The following VNN2 variants were observed in gnomAD, a reference collection of about 807,000 sequenced individuals.
VNN2 encodes the protein pantetheine hydrolase VNN2.
VNN2 carries 43 observed loss-of-function variants against 43.0 expected under a neutral mutation model. That is an observed-to-expected ratio of 1.00 (90% CI 0.78 to 1.29). The LOEUF (loss-of-function observed/expected upper bound fraction) is 1.29, where lower values mean the gene tolerates loss of function less well. VNN2 is among the 50% of genes most tolerant of loss of function. The probability of loss-of-function intolerance (pLI) is 0.00; values close to 1 mark genes in which losing one functional copy is unlikely to be tolerated. For missense variants in VNN2, 652 were observed against 619.7 expected, an observed-to-expected ratio of 1.05 and a Z score of -0.55; for synonymous variants, 230 against 224.3, an observed-to-expected ratio of 1.03 and a Z score of -0.23.
Position 132,757,874 on chromosome 6 carries a change from A to G in VNN2, c.10T>C (p.Ser4Pro). MVT[S>P]SFPISVAVFA... Reference sequence around the variant, plus strand: ...ACTGCCACAGAGATTGGAAAAGAGGAAGTGACCATGGCCAAGGTTTAGTGA... The same window carrying G: ...ACTGCCACAGAGATTGGAAAAGAGGGAGTGACCATGGCCAAGGTTTAGTGA... The change falls in exon 1 of 7, where the codon TCC becomes CCC. Residue 4 changes from serine to proline, a missense_variant. Physicochemically the swap from Ser to Pro is moderately conservative, Grantham distance 74. Coordinates refer to ENST00000326499, the MANE Select transcript of VNN2 (RefSeq NM_004665.6). 1 of 1,613,648 alleles carries G rather than the reference A, an allele frequency of 6.2e-7. No individual in the cohort carries two copies. The highest frequency in any genetic ancestry group is 8.5e-7 in the Non-Finnish European group (1 of 1,179,700).
In VNN2 at chr6:132,749,749, A is replaced by C; in HGVS notation, c.1317T>G (p.Tyr439Ter). 1 of 1,614,066 alleles carries C rather than the reference A, an allele frequency of 6.2e-7. No individual in the cohort carries two copies. The highest frequency in any genetic ancestry group is 8.5e-7 in the Non-Finnish European group (1 of 1,179,988). ...CGGTAAGTAGCACTTCAGGAAAAAC[A>C]TACTCTGTTCCAAATGTGCCACTGA... ...FSLSGTFGTE[Y>*]VFPEVLLTEI... Residue 439 changes from tyrosine to a stop codon, truncating the protein, a stop_gained, in exon 6 of 7, where the codon TAT becomes TAG. Coordinates refer to ENST00000326499, the MANE Select transcript of VNN2 (RefSeq NM_004665.6). LOFTEE classifies it high-confidence loss of function.
intron 3 of VNN2, 184 bp from the exon 4 acceptor site, chr6:132,752,933 G>C: frequency 1.7e-6 from 1 of 601,000 alleles, no homozygotes; most frequent in African/African-American, 1.9e-5. Context: ...TGTAACATAC[G>C]TCCATAGCAT....
intron 5 of VNN2, 115 bp from the exon 6 acceptor site, chr6:132,749,980 G>T: frequency 9.7e-7 from 1 of 1,035,208 alleles, no homozygotes; most frequent in Non-Finnish European, 1.3e-6. Context: ...CTCTGAAAAG[G>T]GATTTGGATC....
Position 132,752,593 on chromosome 6 carries a change from T to C in VNN2, c.694A>G (p.Ile232Val), listed in dbSNP as rs777615410. ...TTCATCCAAGCTGTGGGAAACAGTATGGTGTCCACATGGAAATCTTTCACC... is the reference window on the plus strand; with the variant it reads ...TTCATCCAAGCTGTGGGAAACAGTACGGTGTCCACATGGAAATCTTTCACC... ...TLVKDFHVDT[I>V]LFPTAWMNVL... The change falls in exon 4 of 7, where the codon ATA becomes GTA. Residue 232 changes from isoleucine to valine, a missense_variant. Physicochemically the swap from Ile to Val is conservative, Grantham distance 29. Coordinates refer to ENST00000326499, the MANE Select transcript of VNN2 (RefSeq NM_004665.6). 6.2e-7 allele frequency: 1 copy of C among 1,614,176 alleles called. No homozygotes were observed. The highest frequency in any genetic ancestry group is 8.5e-7 in the Non-Finnish European group (1 of 1,180,024).
rs1779589795 is a variant in VNN2 at position 132,744,301 on chromosome 6, T to C, written c.1562A>G (p.Ter521TrpextTer28). 6.2e-7 allele frequency: 1 copy of C among 1,611,488 alleles called. No homozygotes were observed. ...GAAGCTGAGTGATAAAGAGACGCCC[T>C]ATAACATTACAATATTTTGCAAAGC... ...IIALQNIVML[*>W] Residue 521 changes from the stop codon to tryptophan (W), a stop_lost, in exon 7 of 7, where the codon TAG becomes TGG. Transcript: ENST00000326499.
At chr6:132,758,205 C>T (rs1780623482), upstream of VNN2, among the ~76,000 whole-genome samples, 1 of 151,826 alleles carries the variant, frequency 6.6e-6, no homozygotes, top group South Asian at 2.1e-4. Context: ...CCACCACGTC[C>T]AGCTAATTTT....
intron 3 of VNN2, chr6:132,754,004 A>G (rs1399607623): frequency 6.6e-6 from 1 of 151,036 alleles, no homozygotes; most frequent in Non-Finnish European, 1.5e-5. Flanking sequence ...AGGTATTCTC[A>G]TTAGGTTCAC....
At chr6:132,745,875 A>G (rs1429005815) in intron 6 of VNN2, among the ~76,000 whole-genome samples, 3 of 152,242 alleles carry the variant, frequency 2.0e-5, no homozygotes, top group Non-Finnish European at 2.9e-5. Context: ...AGTTGTGGAA[A>G]TGGAGTTGGA....
upstream of VNN2, among the ~76,000 whole-genome samples, chr6:132,761,017 A>T (rs970716332): frequency 6.6e-6 from 1 of 152,206 alleles, no homozygotes; most frequent in Non-Finnish European, 1.5e-5. Context: ...ATGAAGGAGC[A>T]ATTTAAATAT....
upstream of VNN2, among the ~76,000 whole-genome samples, chr6:132,762,099 G>A (rs79966634): frequency 3.9e-4 from 60 of 152,288 alleles, no homozygotes; most frequent in African/African-American, 9.9e-4. Flanking sequence ...GGAATGAAAT[G>A]GGGTTGACAG....
intron 6 of VNN2, among the ~76,000 whole-genome samples, chr6:132,745,631 A>C (rs1032858539): frequency 6.6e-6 from 1 of 152,202 alleles, no homozygotes; most frequent in African/African-American, 2.4e-5. Flanking sequence ...GAATTGTTTA[A>C]AGTTACATCA....
At chr6:132,755,674 C>G (rs1780418919) in intron 3 of VNN2, among the ~76,000 whole-genome samples, 169 bp downstream of exon 3, 1 of 151,900 alleles carries the variant, frequency 6.6e-6, no homozygotes, top group Non-Finnish European at 1.5e-5. Context: ...CACGCCCAGC[C>G]AAAAGTGTCA....
chr6:132,744,020 C>G lies in VNN2; in HGVS notation c.*280G>C, dbSNP rs1321525929. ...TACAAGTCCCCCATACACACAAAGTCTCAAGCAAATGAGGCTGGAGCTGGA... is the reference window on the plus strand; with the variant it reads ...TACAAGTCCCCCATACACACAAAGTGTCAAGCAAATGAGGCTGGAGCTGGA... On this transcript the variant is annotated 3_prime_UTR_variant, in exon 7 of 7. Transcript: ENST00000326499. 1 of 253,614 alleles carries G rather than the reference C, an allele frequency of 3.9e-6. No homozygotes were observed. The highest frequency in any genetic ancestry group is 2.3e-5 in the African/African-American group (1 of 43,918). 15.7% of individuals were successfully genotyped at this position (253,614 alleles called of 1,614,324 possible).
At position 132,744,398 on chromosome 6, in the gene VNN2, G is replaced by C. The variant is rs763648969; in HGVS notation, c.1465C>G (p.Leu489Val). The C allele has an allele frequency of 5.6e-6, 9 of 1,613,698 alleles. No individual in the cohort carries two copies. The East Asian group carries it at 2.0e-4, about 36-fold the overall frequency. ...TTGCTGGTCCCACATGAGCTGTAAAGTGAGTCCTTTGTGTACCACCTCCCA... is the reference window on the plus strand; with the variant it reads ...TTGCTGGTCCCACATGAGCTGTAAACTGAGTCCTTTGTGTACCACCTCCCA... Reference protein sequence around the residue: ...LFGRWYTKDSLYSSCGTSNSA... With the variant: ...LFGRWYTKDSVYSSCGTSNSA... The change falls in exon 7 of 7, where the codon CTT becomes GTT. Residue 489 changes from leucine (L) to valine (V), a missense_variant. Physicochemically the swap from Leu to Val is conservative, Grantham distance 32. Transcript: ENST00000326499.
chr6:132,751,861 G>C lies in VNN2; in HGVS notation c.827-343C>G, dbSNP rs143174622. The stretch of plus-strand genomic sequence containing the variant: ...TTCTCCCCTATTCCTCATTGTGGTG[G>C]TTTTCAAATATATCCAAAAATTCCT... On this transcript the variant is annotated intron_variant, in intron 4 of 6. Coordinates refer to ENST00000326499, the MANE Select transcript of VNN2 (RefSeq NM_004665.6). Among the ~76,000 whole-genome samples, 34 of 152,302 alleles carry C rather than the reference G, an allele frequency of 2.2e-4. 1 individual carries two copies. The East Asian group carries it at 6.4e-3, about 28-fold the overall frequency.
intron 1 of VNN2, among the ~76,000 whole-genome samples, chr6:132,763,107 G>C (rs1019396484): frequency 3.3e-5 from 5 of 152,008 alleles, no homozygotes; most frequent in African/African-American, 1.2e-4. Context: ...CGGGATGACT[G>C]TCACCACAGA....
rs989947229 is a variant in VNN2, at chr6:132,757,697, T to C, written c.187A>G (p.Thr63Ala). 1.2e-6 allele frequency: 2 copies of C among 1,614,010 alleles called. No individual in the cohort carries two copies. The highest frequency in any genetic ancestry group is 2.7e-5 in the African/African-American group (2 of 74,920). The part of the protein sequence containing the change: ...LMNENIDILE[T>A]AIKQAAEQGA... ...TGCTCAGCTGCCTGCTTGATCGCTG[T>C]CTCCAGAATGTCTATATTCTCGTTC... The change falls in exon 1 of 7, where the codon ACA becomes GCA. Residue 63 changes from threonine (T) to alanine (A), a missense_variant. Transcript: ENST00000326499.
In VNN2 at chr6:132,749,678, T is replaced by C. The variant is rs1194394612; in HGVS notation, c.1371+17A>G. ...AGAACATATAAAATGAAAATACTCT[T>C]ATAAAAGTCCTCTTACCTCAAATTT... On this transcript the variant is annotated intron_variant, in intron 6 of 6. Coordinates refer to ENST00000326499, the MANE Select transcript of VNN2 (RefSeq NM_004665.6). 2 of 1,604,340 alleles carry C rather than the reference T, an allele frequency of 1.2e-6. No individual in the cohort carries two copies. Among genetic ancestry groups the C allele is most frequent in the Non-Finnish European group, 1.7e-6 (2 of 1,174,924 alleles).
chr6:132,761,350 C>A (rs1255169956), upstream of VNN2, among the ~76,000 whole-genome samples: 1 of 143,590 alleles, frequency 7.0e-6, no homozygotes, highest in South Asian at 2.1e-4. Context: ...GTCAAAGAGT[C>A]ACCATAAAAA....
Sources: allele counts gnomAD v4.1 joint callset (sites outside exome capture counted in the v4.1 genomes callset), GRCh38; gene constraint gnomAD v4.1.1; transcripts MANE v1.5; gene names NCBI Gene and HGNC (gene_info 2026-07-23, HGNC 2026-07-21).